DCC: variants seen among roughly 807,000 people sequenced by gnomAD.
DCC encodes the protein netrin receptor DCC.
Under a neutral mutation model 172.5 loss-of-function variants are expected in DCC, and 58 were observed. The observed-to-expected ratio is 0.34, with a 90% CI of 0.27 to 0.42. The LOEUF (loss-of-function observed/expected upper bound fraction) is 0.42, where lower values mean the gene tolerates loss of function less well. Among genes scored for constraint, DCC ranks in the 10% least tolerant of loss-of-function variants. The probability of loss-of-function intolerance (pLI) is 1.00; values close to 1 mark genes in which losing one functional copy is unlikely to be tolerated. For synonymous variants in DCC, 709 were observed against 644.5 expected (o/e 1.10, Z -1.52); for missense variants, 1,740 against 1,791.0 (o/e 0.97, Z 0.51).
At position 53,086,461 on chromosome 18, in the gene DCC, CTTCTTCTTCTTCCTTTCTTCTTCTTCT is replaced by C. The variant is rs1376246529; in HGVS notation, c.1261+20324_1261+20350del. On this transcript the variant is annotated intron_variant, in intron 7 of 28. Coordinates refer to ENST00000442544, the MANE Select transcript of DCC (RefSeq NM_005215.4). ...TTCTTCTTCTTCTTCCTTTCTTCTT[CTTCTTCTTCTTCCTTTCTTCTTCTTCT>C]TTCTTCTTCTTCCTTTCTTCTTCTT... Among the ~76,000 whole-genome samples, 7 of 44,478 alleles carry C rather than the reference CTTCTTCTTCTTCCTTTCTTCTTCTTCT, an allele frequency of 1.6e-4. 2 individuals carry two copies. The highest frequency in any genetic ancestry group is 5.2e-4 in the African/African-American group (2 of 3,812). The allele number at this position is 44,478 out of a possible 152,430, so 29.2% of individuals were successfully genotyped here.
intron 2 of DCC, among the ~76,000 whole-genome samples, chr18:52,761,886 G>T (rs563918988): frequency 2.2e-5 from 3 of 138,806 alleles, no homozygotes; most frequent in East Asian, 2.1e-4. Context: ...TCTGGCCTGG[G>T]TGAAAGAGTG....
intron 1 of DCC, among the ~76,000 whole-genome samples, chr18:52,397,355 C>T (rs1986270307): frequency 6.6e-6 from 1 of 152,008 alleles, no homozygotes; most frequent in South Asian, 2.1e-4. Context: ...GTGGCAATTT[C>T]CATTTATTCA....
intron 2 of DCC, among the ~76,000 whole-genome samples, chr18:52,831,850 G>A (rs1440186079): frequency 2.6e-5 from 4 of 152,064 alleles, no homozygotes; most frequent in Admixed American, 2.6e-4. Flanking sequence ...TAGGATTATG[G>A]TTTACAGTGG....
At chr18:53,493,865 C>T (rs1022047803) in intron 26 of DCC, among the ~76,000 whole-genome samples, 1 of 151,880 alleles carries the variant, frequency 6.6e-6, no homozygotes, top group South Asian at 2.1e-4. Context: ...TTGTCTTCTG[C>T]TAGCTTTTGA....
intron 1 of DCC, among the ~76,000 whole-genome samples, chr18:52,535,522 G>A (rs1847299956): frequency 6.6e-6 from 1 of 152,078 alleles, no homozygotes; most frequent in African/African-American, 2.4e-5. Flanking sequence ...TGAAGCTTGT[G>A]GGCAGACATT....
chr18:53,507,510 C>A lies in DCC; in HGVS notation c.4111+8000C>A, dbSNP rs117119625. Among the ~76,000 whole-genome samples, 11 of 152,264 alleles carry A rather than the reference C, an allele frequency of 7.2e-5. No homozygotes were observed. The East Asian group carries it at 1.9e-3, about 27-fold the overall frequency. The stretch of plus-strand genomic sequence containing the variant: ...CATGTTAAACATCTTGTGTGTGTTC[C>A]AGCATTGACTTTCATCTTAGGCTTG... On this transcript the variant is annotated intron_variant, in intron 27 of 28. Transcript: ENST00000442544.
At chr18:53,212,397 A>C (rs953061595) in intron 11 of DCC, among the ~76,000 whole-genome samples, 1 of 152,034 alleles carries the variant, frequency 6.6e-6, no homozygotes, top group East Asian at 1.9e-4. Flanking sequence ...GATTCTCTTC[A>C]CTTTCACCTA....
intron 12 of DCC, among the ~76,000 whole-genome samples, chr18:53,237,627 G>A (rs188490112): frequency 1.5e-4 from 23 of 152,138 alleles, no homozygotes; most frequent in Admixed American, 1.0e-3. Context: ...AATTTAGAGC[G>A]TAGTTTTAAT....
chr18:52,488,641 A>G (rs887161327), intron 1 of DCC, among the ~76,000 whole-genome samples: 26 of 152,098 alleles, frequency 1.7e-4, no homozygotes, highest in Non-Finnish European at 3.1e-4. Flanking sequence ...GGACCTTCCA[A>G]GCTTATTCTA....
At chr18:52,855,543 A>T (rs1013903345) in intron 2 of DCC, among the ~76,000 whole-genome samples, 2 of 152,222 alleles carry the variant, frequency 1.3e-5, no homozygotes, top group Admixed American at 6.5e-5. Flanking sequence ...GTTCACTTCT[A>T]GCTTTACCAA....
At chr18:53,049,534 T>C (rs941240140) in intron 5 of DCC, among the ~76,000 whole-genome samples, 1 of 152,064 alleles carries the variant, frequency 6.6e-6, no homozygotes, top group African/African-American at 2.4e-5. Flanking sequence ...TTCTATTTTA[T>C]TTGTCTAAGT....
At position 53,402,900 on chromosome 18, in the gene DCC, A is replaced by C. The variant is rs1568109428; in HGVS notation, c.2935+7A>C. 1 of 1,588,806 alleles carries C rather than the reference A, an allele frequency of 6.3e-7. No individual in the cohort carries two copies. Among genetic ancestry groups the C allele is most frequent in the Admixed American group, 1.7e-5 (1 of 59,990 alleles). On this transcript the variant is annotated splice_region_variant and intron_variant, in intron 19 of 28. Coordinates refer to ENST00000442544, the MANE Select transcript of DCC (RefSeq NM_005215.4). ...GCCAATGGGAAAATTACTGGTAAGC[A>C]TCTCCACTTTCTCTCCCAGCATAGC...
chr18:52,413,659 G>A lies in DCC; in HGVS notation c.91+72781G>A, dbSNP rs1986917715. 2.0e-5 allele frequency among the ~76,000 whole-genome samples: 3 copies of A among 151,918 alleles called. No individual in the cohort carries two copies. The South Asian group carries it at 6.2e-4, about 31-fold the overall frequency. The stretch of plus-strand genomic sequence containing the variant: ...TTTATTATGTATTCTAAGAAAATTA[G>A]TACCTTTATCTCTATGAGGTTTTTA... On this transcript the variant is annotated intron_variant, in intron 1 of 28. Transcript: ENST00000442544.
chr18:52,950,046 A>G (rs1228580164), intron 5 of DCC, among the ~76,000 whole-genome samples: 1 of 152,200 alleles, frequency 6.6e-6, no homozygotes, highest in Non-Finnish European at 1.5e-5. Context: ...CACTGGAGAC[A>G]TGGTTGGCTG....
At chr18:53,339,617 A>G (rs1352259487) in intron 14 of DCC, 96 bp from the exon 15 acceptor site, 1 of 899,530 alleles carries the variant, frequency 1.1e-6, no homozygotes, top group East Asian at 2.4e-5. Context: ...TTATTTATGC[A>G]TCTATGAAAT....
chr18:52,425,760 A>T (rs1987403858), intron 1 of DCC, among the ~76,000 whole-genome samples: 1 of 152,098 alleles, frequency 6.6e-6, no homozygotes, highest in African/African-American at 2.4e-5. Context: ...TTTGGAGGCA[A>T]ACTGAGTTTA....
At chr18:52,928,421 C>T (rs984481361) in intron 5 of DCC, among the ~76,000 whole-genome samples, 7 of 152,056 alleles carry the variant, frequency 4.6e-5, no homozygotes, top group African/African-American at 1.7e-4. Flanking sequence ...TGTACTTGTA[C>T]CCCTGAATCT....
intron 21 of DCC, among the ~76,000 whole-genome samples, chr18:53,419,512 T>G (rs1204385761): frequency 3.3e-5 from 5 of 152,124 alleles, no homozygotes; most frequent in African/African-American, 1.2e-4. Context: ...ATAATTGTTT[T>G]GATTTTTGTT....
intron 12 of DCC, among the ~76,000 whole-genome samples, chr18:53,298,571 T>TCC (rs2057097158): frequency 2.3e-5 from 3 of 130,998 alleles, no homozygotes; most frequent in Non-Finnish European, 3.3e-5. Context: ...TTGCAGAAGG[T>TCC]CACTCAGCAA....
Sources: gnomAD v4.1 joint callset for allele counts (sites outside exome capture counted in the v4.1 genomes callset) on GRCh38, gnomAD v4.1.1 for gene constraint, MANE v1.5 for transcripts, NCBI Gene and HGNC (gene_info 2026-07-23, HGNC 2026-07-21) for gene names.